The following SEZ6L variants were observed in gnomAD, a reference collection of about 807,000 sequenced individuals.
SEZ6L encodes seizure related 6 homolog like, also known as seizure 6-like protein.
SEZ6L carries 37 observed loss-of-function variants against 106.2 expected under a neutral mutation model. That is an observed-to-expected ratio of 0.35 (90% CI 0.27 to 0.46). SEZ6L has a LOEUF of 0.46. Ranked by LOEUF, SEZ6L falls within the 20% of genes least tolerant of loss-of-function variation. SEZ6L has a pLI of 1.00. For synonymous variants in SEZ6L, 541 were observed against 570.4 expected (o/e 0.95, Z 0.73); for missense variants, 1,172 against 1,332.8 (o/e 0.88, Z 1.88).
At chr22:26,202,453 G>T (rs1941021243) in intron 1 of SEZ6L, among the ~76,000 whole-genome samples, 1 of 152,160 alleles carries the variant, frequency 6.6e-6, no homozygotes, top group East Asian at 1.9e-4. Flanking sequence ...AGACAGTGAA[G>T]GAGGCACGGG....
chr22:26,326,709 G>C (rs765674000), intron 9 of SEZ6L, among the ~76,000 whole-genome samples: 2 of 152,186 alleles, frequency 1.3e-5, no homozygotes, highest in Non-Finnish European at 2.9e-5. Flanking sequence ...AGCCTCCCTT[G>C]AGAGCTGAGC....
chr22:26,344,658 A>G (rs1468477061), intron 10 of SEZ6L, among the ~76,000 whole-genome samples: 2 of 152,234 alleles, frequency 1.3e-5, no homozygotes, highest in Non-Finnish European at 2.9e-5. Context: ...ATGAGACCGA[A>G]ACCATGACTT....
In SEZ6L at chr22:26,298,999, G is replaced by A; in HGVS notation, c.1178G>A (p.Cys393Tyr). The change falls in exon 5 of 17, where the codon TGC becomes TAC. Residue 393 changes from cysteine (C) to tyrosine (Y), a missense_variant. This residue lies in a region of SEZ6L where 534 missense variants were observed against 691.0 expected (regional missense o/e 0.77). Transcript: ENST00000248933. The stretch of plus-strand genomic sequence containing the variant: ...TTCTTCCCAGCCTTCATGCTGAGCT[G>A]CAACTTTCCCCGCCGGCCTGACTCT... ...QLHYQAFMLS[C>Y]NFPRRPDSGD... 3 of 1,583,708 alleles carry A rather than the reference G, an allele frequency of 1.9e-6. No homozygotes were observed. The highest frequency in any genetic ancestry group is 2.6e-6 in the Non-Finnish European group (3 of 1,164,776).
chr22:26,173,329 C>T (rs1463448276), intron 1 of SEZ6L, among the ~76,000 whole-genome samples: 5 of 152,194 alleles, frequency 3.3e-5, no homozygotes. Flanking sequence ...TGGGATAATT[C>T]AGGCTAAAGT....
At chr22:26,233,213 GC>G (rs1200822697) in intron 1 of SEZ6L, among the ~76,000 whole-genome samples, 1 of 152,206 alleles carries the variant, frequency 6.6e-6, no homozygotes, top group East Asian at 1.9e-4. Flanking sequence ...ATTGTCTGAA[GC>G]CTTTCCCTGT....
At chr22:26,312,000 G>A (rs2145924338) in intron 8 of SEZ6L, 38 bp downstream of exon 8, 1 of 1,593,604 alleles carries the variant, frequency 6.3e-7, no homozygotes, top group Non-Finnish European at 8.6e-7. Flanking sequence ...CGGCACCCCA[G>A]GGATCTCCAC....
chr22:26,357,728 G>A (rs1752956132), intron 12 of SEZ6L, among the ~76,000 whole-genome samples: 1 of 152,206 alleles, frequency 6.6e-6, no homozygotes, highest in Admixed American at 6.5e-5. Flanking sequence ...CTCGACAAAT[G>A]ATGTTACTAT....
chr22:26,216,159 G>A (rs2078293196), intron 1 of SEZ6L, among the ~76,000 whole-genome samples: 4 of 152,202 alleles, frequency 2.6e-5, no homozygotes, highest in African/African-American at 7.2e-5. Context: ...AAAGCCCAGA[G>A]AGGAAGAAAC....
intron 1 of SEZ6L, among the ~76,000 whole-genome samples, chr22:26,253,489 T>C (rs959277166): frequency 6.6e-6 from 1 of 152,178 alleles, no homozygotes; most frequent in Non-Finnish European, 1.5e-5. Context: ...GCATTAAAAG[T>C]CCTAGAAGAA....
intron 9 of SEZ6L, among the ~76,000 whole-genome samples, chr22:26,332,325 C>T (rs1273640938): frequency 1.3e-5 from 2 of 150,990 alleles, no homozygotes; most frequent in Non-Finnish European, 1.5e-5. Flanking sequence ...TATTTTTGTA[C>T]TTTTTGTAGA....
At chr22:26,275,217 T>C (rs1239579697) in intron 1 of SEZ6L, among the ~76,000 whole-genome samples, 2 of 152,242 alleles carry the variant, frequency 1.3e-5, no homozygotes, top group Non-Finnish European at 2.9e-5. Flanking sequence ...ATTTACAACG[T>C]TGCAAAAGAG....
intron 9 of SEZ6L, among the ~76,000 whole-genome samples, chr22:26,330,403 A>T (rs760482860): frequency 6.6e-6 from 1 of 152,230 alleles, no homozygotes; most frequent in Admixed American, 6.5e-5. Context: ...TTGAAAAGCC[A>T]CTTGAAAACC....
intron 3 of SEZ6L, 58 bp from the exon 4 acceptor site, chr22:26,296,830 A>C (rs956111926): frequency 4.2e-6 from 6 of 1,415,362 alleles, no homozygotes; most frequent in African/African-American, 1.4e-5. Context: ...CAACCTTAGA[A>C]GGCTCTGTCT....
intron 1 of SEZ6L, among the ~76,000 whole-genome samples, chr22:26,231,830 C>A (rs1602099616): frequency 6.6e-6 from 1 of 152,226 alleles, no homozygotes; most frequent in Non-Finnish European, 1.5e-5. Context: ...TGGTCAAAAT[C>A]AATTCCAACC....
At chr22:26,348,594 A>AAGAAAGAAAG (rs1228383738) in intron 11 of SEZ6L, among the ~76,000 whole-genome samples, 1 of 77,452 alleles carries the variant, frequency 1.3e-5, no homozygotes, top group Non-Finnish European at 2.2e-5. Context: ...AAGAGAAAGA[A>AAGAAAGAAAG]AGAAAGAAAG....
At chr22:26,250,863 G>A (rs1440286218) in intron 1 of SEZ6L, among the ~76,000 whole-genome samples, 1 of 151,940 alleles carries the variant, frequency 6.6e-6, no homozygotes, top group Non-Finnish European at 1.5e-5. Flanking sequence ...TCCTTATAGA[G>A]GTCTTTCACC....
chr22:26,247,022 G>A (rs1312728435), intron 1 of SEZ6L, among the ~76,000 whole-genome samples: 1 of 152,160 alleles, frequency 6.6e-6, no homozygotes, highest in East Asian at 1.9e-4. Context: ...TATCAAGGGT[G>A]TGCTATTTTA....
intron 1 of SEZ6L, among the ~76,000 whole-genome samples, chr22:26,285,627 T>C (rs2080911734): frequency 6.6e-6 from 1 of 152,198 alleles, no homozygotes; most frequent in Non-Finnish European, 1.5e-5. Context: ...GGTTTGCTGC[T>C]GGCATCTAGT....
At chr22:26,378,088 A>T (rs2084291184) in intron 16 of SEZ6L, among the ~76,000 whole-genome samples, 1 of 151,968 alleles carries the variant, frequency 6.6e-6, no homozygotes, top group South Asian at 2.1e-4. Flanking sequence ...ATTCCCACAC[A>T]TCCCACTGGG....
Sources: gnomAD v4.1 joint callset for allele counts (sites outside exome capture counted in the v4.1 genomes callset) on GRCh38, gnomAD v4.1.1 for gene constraint, gnomAD v4.1.1 regional missense constraint, MANE v1.5 for transcripts, NCBI Gene and HGNC (gene_info 2026-07-23, HGNC 2026-07-21) for gene names.